SEMA6D: variants seen among roughly 807,000 people sequenced by gnomAD.
SEMA6D encodes semaphorin 6D, also known as semaphorin-6D.
SEMA6D carries 35 observed loss-of-function variants against 106.6 expected under a neutral mutation model. That is an observed-to-expected ratio of 0.33 (90% CI 0.25 to 0.44). SEMA6D has a LOEUF of 0.44. SEMA6D is among the 20% of genes least tolerant of loss of function. The probability of loss-of-function intolerance (pLI) is 1.00; values close to 1 mark genes in which losing one functional copy is unlikely to be tolerated. For missense variants in SEMA6D, 1,185 were observed against 1,345.9 expected (o/e 0.88, Z 1.87); for synonymous variants, 499 against 487.7 (o/e 1.02, Z -0.31).
At chr15:47,438,876 A>C (rs2041802426) in intron 2 of SEMA6D, among the ~76,000 whole-genome samples, 1 of 152,056 alleles carries the variant, frequency 6.6e-6, no homozygotes, top group Non-Finnish European at 1.5e-5. Context: ...CTGGAACAGA[A>C]TCTGTCGCAC....
chr15:47,327,446 G>T (rs1049832319), intron 1 of SEMA6D, among the ~76,000 whole-genome samples: 2 of 152,038 alleles, frequency 1.3e-5, no homozygotes, highest in Non-Finnish European at 2.9e-5. Flanking sequence ...AATGTGAGCA[G>T]GCACCTATAT....
At chr15:47,650,231 C>G (rs1429954436) in intron 4 of SEMA6D, among the ~76,000 whole-genome samples, 1 of 152,162 alleles carries the variant, frequency 6.6e-6, no homozygotes, top group Non-Finnish European at 1.5e-5. Flanking sequence ...CTCTAAAAAC[C>G]TAGTCCATAA....
intron 1 of SEMA6D, among the ~76,000 whole-genome samples, chr15:47,744,089 A>G (rs1322584425): frequency 6.6e-6 from 1 of 152,184 alleles, no homozygotes; most frequent in Non-Finnish European, 1.5e-5. Flanking sequence ...TCCAGATGCT[A>G]TGGTGGGTAA....
intron 1 of SEMA6D, among the ~76,000 whole-genome samples, chr15:47,358,663 A>G (rs1162927743): frequency 2.0e-5 from 3 of 152,148 alleles, no homozygotes; most frequent in Non-Finnish European, 4.4e-5. Flanking sequence ...GATTTATTTC[A>G]TGGGACAGAA....
upstream of SEMA6D, among the ~76,000 whole-genome samples, chr15:47,716,262 G>A (rs2079112815): frequency 6.6e-6 from 1 of 152,190 alleles, no homozygotes; most frequent in Non-Finnish European, 1.5e-5. Context: ...GTGTTAACTA[G>A]GGAGGAAATA....
intron 1 of SEMA6D, among the ~76,000 whole-genome samples, chr15:47,407,402 ACAAC>A (rs2040622027): frequency 4.4e-5 from 6 of 135,782 alleles, no homozygotes; most frequent in Admixed American, 7.9e-5. Flanking sequence ...AACAACAACA[ACAAC>A]AACAAAAAAA....
chr15:47,486,846 C>G (rs1715741449), intron 3 of SEMA6D, among the ~76,000 whole-genome samples: 1 of 152,142 alleles, frequency 6.6e-6, no homozygotes, highest in African/African-American at 2.4e-5. Context: ...TAACTTTCCC[C>G]CATACATGCT....
At chr15:47,528,982 A>G (rs1205839022) in intron 3 of SEMA6D, among the ~76,000 whole-genome samples, 1 of 152,196 alleles carries the variant, frequency 6.6e-6, no homozygotes, top group African/African-American at 2.4e-5. Flanking sequence ...ATATTCTTAC[A>G]ATCAAGTAAG....
chr15:47,196,384 T>C (rs575160023), intron 1 of SEMA6D, among the ~76,000 whole-genome samples: 1 of 152,276 alleles, frequency 6.6e-6, no homozygotes, highest in South Asian at 2.1e-4. Flanking sequence ...GGCTGCAACA[T>C]TTTGGATATT....
chr15:47,502,723 G>C (rs925357893), intron 3 of SEMA6D, among the ~76,000 whole-genome samples: 1 of 152,128 alleles, frequency 6.6e-6, no homozygotes, highest in African/African-American at 2.4e-5. Flanking sequence ...TGTCCACTGG[G>C]ACATGAAATG....
At chr15:47,448,599 C>T (rs2042096655) in intron 2 of SEMA6D, among the ~76,000 whole-genome samples, 1 of 152,114 alleles carries the variant, frequency 6.6e-6, no homozygotes, top group African/African-American at 2.4e-5. Flanking sequence ...AGCAGGGCCT[C>T]CTTGTTGTGA....
chr15:47,440,049 G>A (rs1053750449), intron 2 of SEMA6D, among the ~76,000 whole-genome samples: 11 of 152,186 alleles, frequency 7.2e-5, no homozygotes, highest in Non-Finnish European at 1.0e-4. Context: ...CTCGCATGCC[G>A]GAAGAGTTGA....
intron 1 of SEMA6D, among the ~76,000 whole-genome samples, chr15:47,332,397 A>G (rs1164592847): frequency 1.3e-5 from 2 of 152,190 alleles, no homozygotes; most frequent in Non-Finnish European, 2.9e-5. Flanking sequence ...CGTGAAAGAA[A>G]GGGTTCCTGT....
At chr15:47,391,216 T>A (rs543778878) in intron 1 of SEMA6D, among the ~76,000 whole-genome samples, 1 of 152,308 alleles carries the variant, frequency 6.6e-6, no homozygotes, top group South Asian at 2.1e-4. Context: ...TCCTTTCCTC[T>A]GCTCTCTGAG....
At chr15:47,390,568 G>T (rs1006812891) in intron 1 of SEMA6D, among the ~76,000 whole-genome samples, 19 of 104,754 alleles carry the variant, frequency 1.8e-4, no homozygotes, top group African/African-American at 1.2e-3. Context: ...AGCCTCACCG[G>T]TTTTTTTGTT....
intron 1 of SEMA6D, among the ~76,000 whole-genome samples, chr15:47,315,494 G>C (rs1028718911): frequency 3.3e-5 from 5 of 152,124 alleles, no homozygotes; most frequent in Non-Finnish European, 5.9e-5. Context: ...CTTCATGATT[G>C]TATCTTTTTA....
chr15:47,284,087 G>A (rs1260169777), intron 1 of SEMA6D, among the ~76,000 whole-genome samples: 2 of 152,094 alleles, frequency 1.3e-5, no homozygotes, highest in Non-Finnish European at 2.9e-5. Context: ...CACCAAAAGT[G>A]TCTCCCTTAC....
intron 4 of SEMA6D, among the ~76,000 whole-genome samples, chr15:47,657,513 A>G (rs954228948): frequency 8.6e-5 from 13 of 151,898 alleles, no homozygotes; most frequent in Non-Finnish European, 1.6e-4. Flanking sequence ...GAAGTTACTA[A>G]TTTTTGCATT....
At chr15:47,675,944 A>C (rs931583969) in intron 4 of SEMA6D, among the ~76,000 whole-genome samples, 1 of 54,514 alleles carries the variant, frequency 1.8e-5, no homozygotes, top group Non-Finnish European at 3.9e-5. Context: ...GTTTGATGGA[A>C]TGGGGAGGGG....
Sources: allele counts gnomAD v4.1 joint callset (sites outside exome capture counted in the v4.1 genomes callset), GRCh38; gene constraint gnomAD v4.1.1; transcripts MANE v1.5; gene names NCBI Gene and HGNC (gene_info 2026-07-23, HGNC 2026-07-21).